Variants in ENOX1 observed in about 807,000 individuals in gnomAD.
ENOX1 encodes candidate growth-related and time keeping constitutive hydroquinone (NADH) oxidase.
A neutral mutation model predicts 82.5 loss-of-function variants in ENOX1; 42 were observed. That is an observed-to-expected ratio of 0.51 (90% CI 0.40 to 0.66). ENOX1 has a LOEUF of 0.66. ENOX1 is among the 30% of genes least tolerant of loss of function. The pLI is 0.00. For missense variants in ENOX1, 608 were observed against 811.6 expected (o/e 0.75, Z 3.05); for synonymous variants, 271 against 282.2 (o/e 0.96, Z 0.40).
chr13:43,387,203 A>T (rs944598276), intron 5 of ENOX1, among the ~76,000 whole-genome samples: 18 of 152,308 alleles, frequency 1.2e-4, no homozygotes, highest in African/African-American at 3.9e-4. Context: ...GAAAGAAGTT[A>T]CTTTCAGATT....
chr13:43,695,620 G>A (rs2086602840), intron 1 of ENOX1, among the ~76,000 whole-genome samples: 1 of 151,848 alleles, frequency 6.6e-6, no homozygotes. Flanking sequence ...GCTAATTTGT[G>A]TATTTTCAGT....
intron 12 of ENOX1, among the ~76,000 whole-genome samples, chr13:43,277,449 T>C (rs988932021): frequency 6.6e-6 from 1 of 152,140 alleles, no homozygotes; most frequent in Non-Finnish European, 1.5e-5. Flanking sequence ...GTCATGCCTA[T>C]CATTACTCTG....
chr13:43,763,441 A>C (rs1951099707), intron 1 of ENOX1, among the ~76,000 whole-genome samples: 1 of 152,192 alleles, frequency 6.6e-6, no homozygotes, highest in South Asian at 2.1e-4. Flanking sequence ...CCGGTGGATT[A>C]GGATTTAAAC....
intron 3 of ENOX1, among the ~76,000 whole-genome samples, chr13:43,418,558 C>T (rs768668756): frequency 6.6e-5 from 10 of 152,068 alleles, no homozygotes; most frequent in African/African-American, 1.2e-4. Flanking sequence ...ATAAATAATA[C>T]GATGTAACTT....
In ENOX1 at chr13:43,553,818, G is replaced by A. The variant is rs370489310; in HGVS notation, c.-218-69666C>T. Among the ~76,000 whole-genome samples the A allele has an allele frequency of 1.6e-4, 24 of 152,238 alleles. No individual in the cohort carries two copies. The East Asian group carries it at 3.1e-3, about 20-fold the overall frequency. ...GCTGGAGTGCAGCTGCGCGATCTCC[G>A]CTTACTGCAGCCTCTGCCTCCCAGG... On this transcript the variant is annotated intron_variant, in intron 2 of 16. Coordinates refer to ENST00000690772, the MANE Select transcript of ENOX1 (RefSeq NM_001347969.2).
chr13:43,329,434 A>G (rs1398862001), intron 9 of ENOX1, among the ~76,000 whole-genome samples: 10 of 152,178 alleles, frequency 6.6e-5, no homozygotes, highest in Non-Finnish European at 1.3e-4. Flanking sequence ...TGGTAAGTAC[A>G]TCCCAAACTA....
intron 2 of ENOX1, among the ~76,000 whole-genome samples, chr13:43,499,304 T>A (rs1014200410): frequency 3.9e-5 from 6 of 152,040 alleles, no homozygotes; most frequent in African/African-American, 1.4e-4. Context: ...AAGTATAGAC[T>A]ATAGTTAATT....
At chr13:43,746,799 C>T (rs1249813658) in intron 1 of ENOX1, among the ~76,000 whole-genome samples, 1 of 152,066 alleles carries the variant, frequency 6.6e-6, no homozygotes, top group Non-Finnish European at 1.5e-5. Context: ...AACATATGGC[C>T]GATTTACCAA....
At chr13:43,616,197 T>TAGATAG (rs1594113452) in intron 2 of ENOX1, among the ~76,000 whole-genome samples, 1 of 21,696 alleles carries the variant, frequency 4.6e-5, no homozygotes, top group African/African-American at 6.0e-5. Context: ...TATATATATA[T>TAGATAG]ATATATATTT....
chr13:43,575,021 T>G (rs1409333862), intron 2 of ENOX1, among the ~76,000 whole-genome samples: 2 of 152,190 alleles, frequency 1.3e-5, no homozygotes, highest in African/African-American at 2.4e-5. Context: ...CTTAGGAGCT[T>G]ATTGCTTTAA....
intron 2 of ENOX1, among the ~76,000 whole-genome samples, chr13:43,541,171 C>CTTTTTTTTTTT (rs1555317884): frequency 1.8e-4 from 7 of 38,732 alleles, no homozygotes; most frequent in Admixed American, 3.8e-4. Context: ...CTTCTTCCCT[C>CTTTTTTTTTTT]TGTTTTTTTT....
chr13:43,264,628 ATTCTG>A (rs955239338), intron 14 of ENOX1, among the ~76,000 whole-genome samples: 6 of 152,186 alleles, frequency 3.9e-5, no homozygotes, highest in Admixed American at 3.3e-4. Context: ...ATCATGTCTA[ATTCTG>A]TGTTCAGTGA....
intron 5 of ENOX1, among the ~76,000 whole-genome samples, chr13:43,402,762 A>T (rs2053568751): frequency 1.3e-5 from 2 of 152,224 alleles, no homozygotes; most frequent in East Asian, 1.9e-4. Flanking sequence ...AATAATTCAC[A>T]TGCATGCACA....
chr13:43,738,641 C>T (rs899240315), intron 1 of ENOX1, among the ~76,000 whole-genome samples: 2 of 152,128 alleles, frequency 1.3e-5, no homozygotes, highest in Non-Finnish European at 1.5e-5. Flanking sequence ...CACAAGCATA[C>T]CAAGATGGCA....
At chr13:43,424,409 A>G (rs1273455641) in intron 3 of ENOX1, among the ~76,000 whole-genome samples, 1 of 152,170 alleles carries the variant, frequency 6.6e-6, no homozygotes, top group Non-Finnish European at 1.5e-5. Context: ...TTAGTTATCT[A>G]TTTTCCAAAA....
At chr13:43,401,177 C>A (rs1430110016) in intron 5 of ENOX1, among the ~76,000 whole-genome samples, 1 of 152,158 alleles carries the variant, frequency 6.6e-6, no homozygotes, top group African/African-American at 2.4e-5. Context: ...AGCCCCAGAT[C>A]TTTAACTTCT....
intron 3 of ENOX1, among the ~76,000 whole-genome samples, chr13:43,415,943 T>C (rs368237273): frequency 9.6e-3 from 263 of 27,430 alleles, no homozygotes; most frequent in Admixed American, 0.013. Context: ...CCAGATGGGG[T>C]GGCCGGACAG....
chr13:43,688,623 G>T (rs1319496077), intron 1 of ENOX1, among the ~76,000 whole-genome samples: 4 of 152,160 alleles, frequency 2.6e-5, no homozygotes, highest in Non-Finnish European at 4.4e-5. Flanking sequence ...GGCCAAATTC[G>T]ACCCAAGGCT....
intron 2 of ENOX1, among the ~76,000 whole-genome samples, chr13:43,611,657 CA>C (rs1194995191): frequency 6.6e-6 from 1 of 152,188 alleles, no homozygotes; most frequent in Non-Finnish European, 1.5e-5. Flanking sequence ...TCAACAGAGC[CA>C]GTTCAATCTT....
Sources: gnomAD v4.1 joint callset for allele counts (sites outside exome capture counted in the v4.1 genomes callset) on GRCh38, gnomAD v4.1.1 for gene constraint, MANE v1.5 for transcripts, NCBI Gene and HGNC (gene_info 2026-07-23, HGNC 2026-07-21) for gene names.